The following MMP26 variants were observed in gnomAD, a reference collection of about 807,000 sequenced individuals.
MMP26 encodes matrix metalloproteinase-26.
Under a neutral mutation model 31.0 loss-of-function variants are expected in MMP26, and 33 were observed. That is an observed-to-expected ratio of 1.06 (90% CI 0.81 to 1.42). The LOEUF is 1.42. Ranked by LOEUF, MMP26 falls within the 40% of genes most tolerant of loss-of-function variation. The pLI, the probability that MMP26 is intolerant of heterozygous loss-of-function variation, is 0.00. For missense variants in MMP26, 347 were observed against 316.1 expected, an observed-to-expected ratio of 1.10 and a Z score of -0.74; for synonymous variants, 122 against 114.9, an observed-to-expected ratio of 1.06 and a Z score of -0.40.
chr11:4,875,528 A>G (rs900087696), intron 2 of MMP26: 1 of 152,064 alleles, frequency 6.6e-6, no homozygotes, highest in African/African-American at 2.4e-5. Flanking sequence ...TACCTTTTCC[A>G]TCTTCTAAAG....
At chr11:4,844,832 C>CT (rs1349276436) in intron 2 of MMP26, among the ~76,000 whole-genome samples, 3 of 152,116 alleles carry the variant, frequency 2.0e-5, no homozygotes, top group African/African-American at 7.2e-5. Flanking sequence ...AGCCTTTACT[C>CT]TAAGATCTAA....
chr11:4,790,538 T>C (rs958504290), intron 2 of MMP26, among the ~76,000 whole-genome samples: 2 of 152,140 alleles, frequency 1.3e-5, no homozygotes, highest in African/African-American at 4.8e-5. Flanking sequence ...AGGTATGTAA[T>C]TGCTATTTGG....
At chr11:4,892,289 G>A (rs982545069) in intron 2 of MMP26, among the ~76,000 whole-genome samples, 1 of 152,148 alleles carries the variant, frequency 6.6e-6, no homozygotes, top group African/African-American at 2.4e-5. Context: ...AAAAAAGTAT[G>A]CAGAGATCCT....
chr11:4,909,337 G>A (rs905048383), intron 2 of MMP26: 10 of 152,066 alleles, frequency 6.6e-5, no homozygotes, highest in Non-Finnish European at 1.5e-4. Context: ...AGATTGATAT[G>A]GCAATCTCTC....
intron 2 of MMP26, among the ~76,000 whole-genome samples, chr11:4,891,965 G>C (rs559131020): frequency 6.6e-6 from 1 of 152,002 alleles, no homozygotes; most frequent in Non-Finnish European, 1.5e-5. Context: ...TCAACTATAT[G>C]TATTTGAGAG....
chr11:4,734,163 A>C (rs12290766), intron 1 of MMP26, among the ~76,000 whole-genome samples: 12,604 of 152,282 alleles, frequency 0.083, 676 homozygotes, highest in Middle Eastern at 0.22. Context: ...ACATCATGAT[A>C]AAATGGCTTC....
At chr11:4,716,851 T>TG (rs1847938884) in intron 1 of MMP26, among the ~76,000 whole-genome samples, 1 of 151,702 alleles carries the variant, frequency 6.6e-6, no homozygotes, top group Admixed American at 6.6e-5. Flanking sequence ...TTAGTAGAGA[T>TG]GGGGTCTCAC....
intron 2 of MMP26, chr11:4,913,481 C>T (rs891541937): frequency 3.3e-4 from 50 of 152,198 alleles, no homozygotes; most frequent in Non-Finnish European, 1.9e-4. Context: ...AGCTTGCTTT[C>T]CTCACAGTTA....
At chr11:4,903,191 C>T (rs1052707831) in intron 2 of MMP26, among the ~76,000 whole-genome samples, 28 of 151,986 alleles carry the variant, frequency 1.8e-4, no homozygotes, top group South Asian at 1.0e-3. Context: ...GGATACTCCT[C>T]GGACGGTTCT....
At chr11:4,785,879 C>T (rs1848936559) in intron 2 of MMP26, among the ~76,000 whole-genome samples, 1 of 152,188 alleles carries the variant, frequency 6.6e-6, no homozygotes, top group Non-Finnish European at 1.5e-5. Flanking sequence ...TGTTCAGGGA[C>T]ATGTCTCCAG....
intron 1 of MMP26, chr11:4,722,988 T>A (rs1848036517): frequency 1.2e-6 from 1 of 847,876 alleles, no homozygotes; most frequent in Admixed American, 1.7e-5. Context: ...TCCAGCCGGC[T>A]CTCCTCGCCA....
chr11:4,856,549 C>T (rs1368557391), intron 2 of MMP26, among the ~76,000 whole-genome samples: 1 of 152,200 alleles, frequency 6.6e-6, no homozygotes, highest in Non-Finnish European at 1.5e-5. Context: ...GCGCCCAATA[C>T]AGGAGCACCC....
intron 2 of MMP26, among the ~76,000 whole-genome samples, chr11:4,886,973 G>T (rs955129927): frequency 6.6e-6 from 1 of 151,640 alleles, no homozygotes; most frequent in African/African-American, 2.4e-5. Context: ...TTTTTTGTGG[G>T]TGATAAAAAT....
intron 1 of MMP26, chr11:4,710,629 A>G (rs1847849123): frequency 1.7e-5 from 6 of 352,720 alleles, no homozygotes; most frequent in Non-Finnish European, 5.6e-6. Context: ...CTTTCTTTCT[A>G]TTCTGATGAT....
At chr11:4,753,789 T>C (rs1182999311) in intron 1 of MMP26, among the ~76,000 whole-genome samples, 1 of 152,104 alleles carries the variant, frequency 6.6e-6, no homozygotes, top group East Asian at 1.9e-4. Flanking sequence ...TCATTATATA[T>C]GTTTAATAGG....
chr11:4,821,410 C>A (rs1206400949), intron 2 of MMP26: 1 of 1,613,622 alleles, frequency 6.2e-7, no homozygotes, highest in African/African-American at 1.3e-5. Context: ...CCTGTCTTCT[C>A]AGTGCTTCCC....
intron 2 of MMP26, among the ~76,000 whole-genome samples, chr11:4,936,648 G>T (rs11034728): frequency 6.6e-6 from 1 of 152,098 alleles, no homozygotes; most frequent in Non-Finnish European, 1.5e-5. Context: ...CTGATTCTAA[G>T]AGCTGGGCGT....
intron 2 of MMP26, chr11:4,913,135 C>A (rs1414946744): frequency 6.6e-6 from 1 of 152,182 alleles, no homozygotes; most frequent in Non-Finnish European, 1.5e-5. Flanking sequence ...TCATTCTCAA[C>A]TTTGTGGCTA....
intron 2 of MMP26, among the ~76,000 whole-genome samples, chr11:4,934,888 G>C (rs1410788185): frequency 6.6e-6 from 1 of 150,944 alleles, no homozygotes; most frequent in African/African-American, 2.4e-5. Flanking sequence ...ATAGTTGTAG[G>C]TATGCGGCGT....
Sources: gnomAD v4.1 joint callset for allele counts (sites outside exome capture counted in the v4.1 genomes callset) on GRCh38, gnomAD v4.1.1 for gene constraint, MANE v1.5 for transcripts, NCBI Gene and HGNC (gene_info 2026-07-23, HGNC 2026-07-21) for gene names.